The following TSHR variants were observed in gnomAD, a reference collection of about 807,000 sequenced individuals.
TSHR encodes thyroid stimulating hormone receptor, also known as thyrotropin receptor.
A neutral mutation model predicts 64.1 loss-of-function variants in TSHR; 51 were observed. That is an observed-to-expected ratio of 0.80 (90% CI 0.64 to 1.01). The LOEUF (loss-of-function observed/expected upper bound fraction) is 1.01, where lower values mean the gene tolerates loss of function less well. Ranked by LOEUF, TSHR falls within the 50% of genes least tolerant of loss-of-function variation. TSHR has a pLI of 0.00. For missense variants in TSHR, 877 were observed against 942.8 expected (o/e 0.93, Z 0.91); for synonymous variants, 361 against 361.9 (o/e 1.00, Z 0.03).
At chr14:81,038,764 TAAAA>T (rs1172469941) in intron 1 of TSHR, among the ~76,000 whole-genome samples, 1 of 142,748 alleles carries the variant, frequency 7.0e-6, no homozygotes, top group Non-Finnish European at 1.5e-5. Flanking sequence ...TAAAAATAAA[TAAAA>T]AGAAATAGAA....
intron 1 of TSHR, among the ~76,000 whole-genome samples, chr14:81,056,473 T>G (rs1215971659): frequency 6.6e-6 from 1 of 152,220 alleles, no homozygotes; most frequent in African/African-American, 2.4e-5. Context: ...TATATAAATA[T>G]GCATTGTAGA....
rs1885860577 is a variant in TSHR, at chr14:81,057,043, G to T, written c.171-5105G>T. Reference sequence around the variant, plus strand: ...CTACACCCCTGATTTTAAATCCTATGCTTGCTGTATTCTTTCACAGTTTGC... The same window carrying T: ...CTACACCCCTGATTTTAAATCCTATTCTTGCTGTATTCTTTCACAGTTTGC... On this transcript the variant is annotated intron_variant, in intron 1 of 9. Transcript: ENST00000298171. Among the ~76,000 whole-genome samples the T allele has an allele frequency of 2.6e-5, 4 of 152,302 alleles. 1 individual carries two copies. In the South Asian group the frequency reaches 8.3e-4, roughly 32 times the overall value.
chr14:81,095,956 C>T (rs1017266289), intron 6 of TSHR, among the ~76,000 whole-genome samples: 2 of 151,234 alleles, frequency 1.3e-5, no homozygotes, highest in African/African-American at 4.9e-5. Flanking sequence ...GGGAGGATCG[C>T]TTAAGCCCAG....
intron 1 of TSHR, among the ~76,000 whole-genome samples, chr14:81,029,267 T>G (rs1454279835): frequency 6.6e-6 from 1 of 152,106 alleles, no homozygotes; most frequent in African/African-American, 2.4e-5. Flanking sequence ...TTTTTTTTAA[T>G]TATGAGGACA....
chr14:81,053,022 G>C (rs1885522795), intron 1 of TSHR: 1 of 152,156 alleles, frequency 6.6e-6, no homozygotes, highest in Admixed American at 6.6e-5. Context: ...AGAGGCTCAA[G>C]AGAAGCAGTT....
At chr14:80,986,474 T>TG (rs919139006) in intron 1 of TSHR, among the ~76,000 whole-genome samples, 40 of 150,116 alleles carry the variant, frequency 2.7e-4, no homozygotes, top group Admixed American at 7.2e-4. Flanking sequence ...TCATTCTTTT[T>TG]TTTGTTTGTT....
At chr14:81,132,047 C>T (rs928462666) in intron 8 of TSHR, among the ~76,000 whole-genome samples, 1 of 151,764 alleles carries the variant, frequency 6.6e-6, no homozygotes, top group African/African-American at 2.4e-5. Context: ...TAGACAAGCT[C>T]ACTGTCTTGA....
At position 81,102,817 on chromosome 14, in the gene TSHR, C is replaced by T. The variant is rs74671999; in HGVS notation, c.615-5558C>T. On this transcript the variant is annotated intron_variant, in intron 7 of 9. Transcript: ENST00000298171. ...GTGTGGCGAAATATGTACTCTGTTT[C>T]TCTGAATTTCTGGTAAAGGTTAAAG... 2,256 of 985,324 alleles carry T rather than the reference C, an allele frequency of 2.3e-3. 43 individuals carry two copies. The African/African-American group carries it at 0.037, about 16-fold the overall frequency. The allele number at this position is 985,324 out of a possible 1,614,324, so 61.0% of individuals were successfully genotyped here. A position where few individuals can be genotyped will look rare whatever the true frequency, so the allele number is the denominator to read the frequency against.
At chr14:81,119,445 C>T (rs1320146316) in intron 8 of TSHR, among the ~76,000 whole-genome samples, 3 of 142,188 alleles carry the variant, frequency 2.1e-5, no homozygotes, top group African/African-American at 8.3e-5. Flanking sequence ...TCATCACTGG[C>T]CATCAGAGAA....
rs1883560675 is a variant in TSHR, at chr14:81,018,710, C to T, written c.171-43438C>T. Among the ~76,000 whole-genome samples the T allele has an allele frequency of 2.0e-5, 3 of 152,148 alleles. No homozygotes were observed. In the South Asian group the frequency reaches 6.2e-4, roughly 32 times the overall value. On this transcript the variant is annotated intron_variant, in intron 1 of 9. Transcript: ENST00000298171. ...ACTCCTCCTCCTTTGATGGCTGTGA[C>T]CTCCTCATAGTTCCTGAACATAGCA...
chr14:81,002,223 C>T (rs1216502064), intron 1 of TSHR, among the ~76,000 whole-genome samples: 2 of 152,106 alleles, frequency 1.3e-5, no homozygotes, highest in Non-Finnish European at 2.9e-5. Flanking sequence ...TGAAATACAT[C>T]TGGCCCCAAA....
At chr14:81,122,365 T>C (rs1022033564) in intron 8 of TSHR, among the ~76,000 whole-genome samples, 6 of 151,690 alleles carry the variant, frequency 4.0e-5, no homozygotes, top group African/African-American at 4.8e-5. Flanking sequence ...TTAAAGAACA[T>C]TGGAGCATGT....
chr14:80,988,177 C>A (rs1356642749), intron 1 of TSHR, among the ~76,000 whole-genome samples: 7 of 152,128 alleles, frequency 4.6e-5, no homozygotes, highest in Non-Finnish European at 8.8e-5. Context: ...ATACTTAAAT[C>A]CACCCTTCCT....
chr14:81,142,939 G>A lies in TSHR; in HGVS notation c.882-1G>A, dbSNP rs1295170005. The A allele has an allele frequency of 6.2e-7, 1 of 1,614,064 alleles. No homozygotes were observed. Among genetic ancestry groups the A allele is most frequent in the Non-Finnish European group, 8.5e-7 (1 of 1,179,984 alleles). On this transcript the variant is annotated splice_acceptor_variant, in intron 9 of 9. Coordinates refer to ENST00000298171, the MANE Select transcript of TSHR (RefSeq NM_000369.5). LOFTEE classifies it high-confidence loss of function. The stretch of plus-strand genomic sequence containing the variant: ...ACTGACTCTTTTCTGTTGCCTTGCA[G>A]AATCCTTGAGTCCTTGATGTGTAAT...
In TSHR at chr14:81,103,945, G is replaced by C; in HGVS notation, c.615-4430G>C. 2.0e-6 allele frequency: 2 copies of C among 985,380 alleles called. No homozygotes were observed. The highest frequency in any genetic ancestry group is 2.4e-6 in the Non-Finnish European group (2 of 829,916). 61.0% of individuals were successfully genotyped at this position (985,380 alleles called of 1,614,324 possible). The stretch of plus-strand genomic sequence containing the variant: ...CAATACACTAATTATTATGAACAGA[G>C]TCAACAGAATTAATGTGCTAATTAG... On this transcript the variant is annotated intron_variant, in intron 7 of 9. Transcript: ENST00000298171. The surrounding 1 kb of genome is among the most constrained non-coding windows in gnomAD (Gnocchi z 4.1).
At chr14:81,091,392 A>G (rs1378310437) in intron 5 of TSHR, among the ~76,000 whole-genome samples, 8 of 152,136 alleles carry the variant, frequency 5.3e-5, no homozygotes, top group African/African-American at 1.9e-4. Flanking sequence ...TGGGCTCAAG[A>G]GAGACTTGGG....
At chr14:80,973,361 G>A (rs1355177913) in intron 1 of TSHR, among the ~76,000 whole-genome samples, 2 of 129,660 alleles carry the variant, frequency 1.5e-5, no homozygotes, top group Non-Finnish European at 3.1e-5. Context: ...AGCCGAGATC[G>A]CGCCACTGCA....
chr14:81,024,905 A>T (rs10150439), intron 1 of TSHR, among the ~76,000 whole-genome samples: 9,466 of 152,202 alleles, frequency 0.062, 957 homozygotes, highest in African/African-American at 0.22. Flanking sequence ...ATAATGAAAA[A>T]TATGTGAGAA....
rs1238448475 is a variant in TSHR at position 81,144,281 on chromosome 14, G to C, written c.2223G>C (p.Leu741=). 1 of 1,614,108 alleles carries C rather than the reference G, an allele frequency of 6.2e-7. No homozygotes were observed. The highest frequency in any genetic ancestry group is 1.3e-5 in the African/African-American group (1 of 75,030). ...GLHNMEDVYE[L]IENSHLTPKK... is the part of the protein sequence containing the mutation. ...ACAACATGGAAGATGTCTATGAACT[G>C]ATTGAAAACTCCCATCTAACCCCAA... The change falls in exon 10 of 10, where the codon CTG becomes CTC. Residue 741 remains leucine (L), a synonymous_variant. Coordinates refer to ENST00000298171, the MANE Select transcript of TSHR (RefSeq NM_000369.5).
Sources: allele counts gnomAD v4.1 joint callset (sites outside exome capture counted in the v4.1 genomes callset), GRCh38; gene constraint gnomAD v4.1.1; non-coding constraint Gnocchi (gnomAD v3.1); transcripts MANE v1.5; gene names NCBI Gene and HGNC (gene_info 2026-07-23, HGNC 2026-07-21).